ACTR3B: variants seen among roughly 807,000 people sequenced by gnomAD.
ACTR3B encodes the protein actin related protein 3B, also known as actin-related protein 3B.
In ACTR3B, 8 loss-of-function variants were observed where a neutral mutation model predicts 59.0. The observed-to-expected ratio is 0.14, with a 90% CI of 0.08 to 0.24. The LOEUF is 0.24. Among genes scored for constraint, ACTR3B ranks in the 10% least tolerant of loss-of-function variants. ACTR3B has a pLI of 1.00. For missense variants in ACTR3B, 245 were observed against 552.3 expected, an observed-to-expected ratio of 0.44 and a Z score of 5.58; for synonymous variants, 148 against 197.9, an observed-to-expected ratio of 0.75 and a Z score of 2.12.
At chr7:152,808,674 CA>C (rs1285499374) in intron 4 of ACTR3B, among the ~76,000 whole-genome samples, 1 of 152,196 alleles carries the variant, frequency 6.6e-6, no homozygotes, top group Non-Finnish European at 1.5e-5. Context: ...CACCTCTACT[CA>C]GTTTAAATAT....
At chr7:152,766,142 A>G (rs1306333793) in intron 1 of ACTR3B, among the ~76,000 whole-genome samples, 1 of 152,192 alleles carries the variant, frequency 6.6e-6, no homozygotes, top group Non-Finnish European at 1.5e-5. Context: ...AATCAGGACT[A>G]CGGTGAAAAT....
intron 1 of ACTR3B, among the ~76,000 whole-genome samples, chr7:152,771,269 G>T (rs2098123283): frequency 6.6e-6 from 1 of 152,080 alleles, no homozygotes. Context: ...TGGAATTTTA[G>T]ATAAAGCCAC....
chr7:152,815,826 C>T (rs187472507), intron 5 of ACTR3B, among the ~76,000 whole-genome samples: 127 of 152,360 alleles, frequency 8.3e-4, no homozygotes, highest in African/African-American at 2.9e-3. Flanking sequence ...CAAGTGACCT[C>T]ATTGCCAATC....
chr7:152,806,961 T>G (rs1395089461), intron 4 of ACTR3B, among the ~76,000 whole-genome samples: 1 of 152,232 alleles, frequency 6.6e-6, no homozygotes, highest in African/African-American at 2.4e-5. Context: ...TTCACAACTC[T>G]GGCTGGATTT....
At chr7:152,794,291 C>T (rs2098208035) in intron 2 of ACTR3B, among the ~76,000 whole-genome samples, 2 of 152,160 alleles carry the variant, frequency 1.3e-5, no homozygotes, top group South Asian at 4.1e-4. Context: ...GATCTCGGCT[C>T]ACTGCAACCT....
At chr7:152,789,747 G>C (rs2098188457) in intron 2 of ACTR3B, among the ~76,000 whole-genome samples, 1 of 152,030 alleles carries the variant, frequency 6.6e-6, no homozygotes. Context: ...GATCAGAACT[G>C]CAGACAGCAG....
At chr7:152,848,730 C>G (rs1438312638) in intron 9 of ACTR3B, among the ~76,000 whole-genome samples, 2 of 152,148 alleles carry the variant, frequency 1.3e-5, no homozygotes, top group African/African-American at 2.4e-5. Context: ...ATTATGGTAA[C>G]TAGGTATGCA....
intron 2 of ACTR3B, among the ~76,000 whole-genome samples, chr7:152,792,720 C>T (rs1416693869): frequency 1.3e-5 from 2 of 151,928 alleles, no homozygotes; most frequent in African/African-American, 4.8e-5. Context: ...TGCACTCCAG[C>T]CTGGGTGACA....
chr7:152,797,498 A>G (rs958431915), intron 2 of ACTR3B, among the ~76,000 whole-genome samples: 2 of 152,240 alleles, frequency 1.3e-5, no homozygotes, highest in Admixed American at 1.3e-4. Context: ...CTAATTAACA[A>G]ATGCATTACT....
chr7:152,851,373 A>C (rs562357173), intron 9 of ACTR3B, among the ~76,000 whole-genome samples: 9 of 152,308 alleles, frequency 5.9e-5, no homozygotes, highest in Non-Finnish European at 1.0e-4. Context: ...AGGTGAGGCC[A>C]CTGTGGCCTC....
At chr7:152,843,318 C>T (rs1269622778) in intron 9 of ACTR3B, among the ~76,000 whole-genome samples, 1 of 151,896 alleles carries the variant, frequency 6.6e-6, no homozygotes, top group Non-Finnish European at 1.5e-5. Flanking sequence ...TACTTTTAGC[C>T]CTTACATTTA....
intron 4 of ACTR3B, among the ~76,000 whole-genome samples, chr7:152,809,550 GT>G (rs1321630045): frequency 6.8e-6 from 1 of 146,002 alleles, no homozygotes; most frequent in African/African-American, 2.6e-5. Context: ...TTTTTTTTTT[GT>G]TTTTTTTTGA....
intron 1 of ACTR3B, among the ~76,000 whole-genome samples, chr7:152,779,399 A>G (rs889785967): frequency 2.0e-5 from 3 of 152,150 alleles, no homozygotes; most frequent in Admixed American, 6.5e-5. Flanking sequence ...GGAAAACTCA[A>G]TCTGAAGTCC....
chr7:152,831,877 C>T (rs1298387276), intron 9 of ACTR3B, among the ~76,000 whole-genome samples: 6 of 152,050 alleles, frequency 3.9e-5, no homozygotes, highest in African/African-American at 7.2e-5. Context: ...ACTGGGGCTC[C>T]GAGGAAAGAC....
chr7:152,763,191 C>T (rs952414756), intron 1 of ACTR3B, among the ~76,000 whole-genome samples: 1 of 151,464 alleles, frequency 6.6e-6, no homozygotes, highest in African/African-American at 2.4e-5. Flanking sequence ...TGGTGCGTGC[C>T]TGTAGTCCCA....
intron 9 of ACTR3B, 75 bp downstream of exon 9, chr7:152,825,197 A>G (rs1796474675): frequency 1.4e-6 from 2 of 1,399,482 alleles, no homozygotes; most frequent in East Asian, 2.4e-5. Flanking sequence ...AGACGGTATT[A>G]CTGTCTATTA....
At chr7:152,763,367 T>G (rs1299044325) in intron 1 of ACTR3B, among the ~76,000 whole-genome samples, 1 of 150,182 alleles carries the variant, frequency 6.7e-6, no homozygotes, top group East Asian at 2.0e-4. Flanking sequence ...GAATATTTTA[T>G]GTAAGTACTC....
intron 9 of ACTR3B, among the ~76,000 whole-genome samples, chr7:152,830,557 T>C (rs1479392907): frequency 6.6e-6 from 1 of 152,214 alleles, no homozygotes; most frequent in Admixed American, 6.5e-5. Flanking sequence ...AAATAAATAC[T>C]TACTATTGAG....
chr7:152,765,334 C>G (rs1343002240), intron 1 of ACTR3B, among the ~76,000 whole-genome samples: 6 of 151,460 alleles, frequency 4.0e-5, no homozygotes, highest in African/African-American at 1.5e-4. Flanking sequence ...TCAGGCCAGT[C>G]TTGAACTCCT....
Sources: allele counts gnomAD v4.1 joint callset (sites outside exome capture counted in the v4.1 genomes callset), GRCh38; gene constraint gnomAD v4.1.1; transcripts MANE v1.5; gene names NCBI Gene and HGNC (gene_info 2026-07-23, HGNC 2026-07-21).